CCDC61: variants seen among roughly 807,000 people sequenced by gnomAD.
CCDC61 encodes the protein centrosomal protein CCDC61.
A neutral mutation model predicts 63.0 loss-of-function variants in CCDC61; 55 were observed. That is an observed-to-expected ratio of 0.87 (90% CI 0.70 to 1.09). The LOEUF (loss-of-function observed/expected upper bound fraction) is 1.09. Among genes scored for constraint, CCDC61 ranks in the 50% least tolerant of loss-of-function variants. CCDC61 has a pLI of 0.00. For missense variants in CCDC61, 651 were observed against 731.4 expected (o/e 0.89, Z 1.27); for synonymous variants, 270 against 317.0 (o/e 0.85, Z 1.58).
chr19:45,996,185 A>G (rs1163734971), intron 1 of CCDC61: 1 of 152,652 alleles, frequency 6.6e-6, no homozygotes, highest in Admixed American at 6.5e-5. Context: ...ATCTCTGTCT[A>G]TACCATTGGC....
intron 5 of CCDC61, among the ~76,000 whole-genome samples, 165 bp from the exon 6 acceptor site, chr19:46,014,884 G>A (rs1201176861): frequency 2.6e-5 from 4 of 152,150 alleles, no homozygotes; most frequent in Non-Finnish European, 4.4e-5. Flanking sequence ...CTCACACGTC[G>A]CAGGGGATAT....
Position 46,015,194 on chromosome 19 carries a change from G to T in CCDC61, c.697G>T (p.Glu233Ter). The change falls in exon 6 of 14, where the codon GAG becomes TAG. Residue 233 changes from glutamate to a stop codon, truncating the protein, a stop_gained. Transcript: ENST00000595358. LOFTEE classifies it high-confidence loss of function. The surrounding 1 kb of genome is among the most constrained non-coding windows in gnomAD (Gnocchi z 5.3). Reference protein sequence around the residue: ...VRGLELELRQERGLGHRVAGR... With the variant: ...VRGLELELRQ ...CGGGCTGGAGCTGGAGCTGCGGCAG[G>T]AGCGCGGCCTCGGGCACAGGGTGGC... 1 of 1,280,442 alleles carries T rather than the reference G, an allele frequency of 7.8e-7. No homozygotes were observed. Among genetic ancestry groups the T allele is most frequent in the South Asian group, 2.6e-5 (1 of 38,360 alleles). The allele number at this position is 1,280,442 out of a possible 1,614,324, so 79.3% of individuals were successfully genotyped here. A position where few individuals can be genotyped will look rare whatever the true frequency, so the allele number is the denominator to read the frequency against.
At chr19:46,007,643 A>C (rs1277021545) in intron 4 of CCDC61, among the ~76,000 whole-genome samples, 1 of 152,144 alleles carries the variant, frequency 6.6e-6, no homozygotes, top group Non-Finnish European at 1.5e-5. Context: ...TTGTGTAGCT[A>C]GGTGACCGTG....
rs369923881 is a variant in CCDC61 at position 46,003,030 on chromosome 19, G to A, written c.12G>A (p.Pro4=). MDQ[P]AGLQVDYVFR... ...CAGCAACCTTGGCCATGGACCAGCC[G>A]GCTGGCCTGCAGGTGGACTACGTCT... Residue 4 remains proline, a synonymous_variant, in exon 2 of 14, where the codon CCG becomes CCA. Transcript: ENST00000595358. 56 of 1,566,838 alleles carry A rather than the reference G, an allele frequency of 3.6e-5. No individual in the cohort carries two copies. The highest frequency in any genetic ancestry group is 1.4e-4 in the African/African-American group (10 of 74,002).
chr19:46,011,666 C>T (rs1461434530), intron 5 of CCDC61, among the ~76,000 whole-genome samples: 3 of 152,156 alleles, frequency 2.0e-5, no homozygotes, highest in African/African-American at 7.2e-5. Context: ...ATGATTTCAG[C>T]TGTTGAGAGC....
chr19:45,999,511 A>G (rs1031897619), intron 1 of CCDC61, among the ~76,000 whole-genome samples: 62 of 151,738 alleles, frequency 4.1e-4, no homozygotes, highest in African/African-American at 1.5e-3. Flanking sequence ...GGAGCTGCAG[A>G]GTGTGGGGAA....
In CCDC61 at chr19:46,018,101, C is replaced by A. The variant is rs1363743410; in HGVS notation, c.1392C>A (p.Ser464Arg). The A allele has an allele frequency of 6.2e-7, 1 of 1,611,064 alleles. No homozygotes were observed. The stretch of plus-strand genomic sequence containing the variant: ...AGAAGTCTCCCCCCGTGGAACGCAG[C>A]CACCATCAGAAATCTCTGGCCAACT... ...SNMKSPPVER[S>R]HHQKSLANSG... The change falls in exon 13 of 14, where the codon AGC (serine) becomes AGA (arginine). Residue 464 changes from serine to arginine, a missense_variant. Ser to Arg is a moderately radical substitution (Grantham distance 110). Coordinates refer to ENST00000595358, the MANE Select transcript of CCDC61 (RefSeq NM_001267723.2). This position sits in a 1 kb window ranked among gnomAD's most constrained non-coding sequence, Gnocchi z 4.2.
chr19:46,017,306 T>A lies in CCDC61; in HGVS notation c.1368+2T>A, dbSNP rs1163096004. ...ACGCCCTGGAGTGGGTCCAATATGG[T>A]GAGTAGAAGGGGCAACATAAACCAC... On this transcript the variant is annotated splice_donor_variant, in intron 12 of 13. Transcript: ENST00000595358. LOFTEE classifies it high-confidence loss of function. 6.4e-7 allele frequency: 1 copy of A among 1,559,478 alleles called. No individual in the cohort carries two copies. Among genetic ancestry groups the A allele is most frequent in the South Asian group, 1.2e-5 (1 of 84,506 alleles).
chr19:46,010,862 A>G (rs543794827), intron 5 of CCDC61, among the ~76,000 whole-genome samples: 21 of 152,330 alleles, frequency 1.4e-4, no homozygotes, highest in Non-Finnish European at 2.1e-4. Context: ...ACATAAGGAT[A>G]TAAGTGCTGC....
intron 1 of CCDC61, among the ~76,000 whole-genome samples, chr19:45,999,532 G>A (rs1204118038): frequency 6.6e-6 from 1 of 152,142 alleles, no homozygotes; most frequent in African/African-American, 2.4e-5. Flanking sequence ...ACAGCCATCA[G>A]GTGTGGGCTG....
intron 1 of CCDC61, among the ~76,000 whole-genome samples, chr19:45,997,996 A>G (rs1036387037): frequency 1.3e-5 from 2 of 152,136 alleles, no homozygotes; most frequent in African/African-American, 2.4e-5. Flanking sequence ...CCTCACATCA[A>G]TTACTGTTGG....
At chr19:46,010,781 C>T (rs1372169702) in intron 5 of CCDC61, among the ~76,000 whole-genome samples, 3 of 152,208 alleles carry the variant, frequency 2.0e-5, no homozygotes, top group Non-Finnish European at 4.4e-5. Context: ...TGATGTACTG[C>T]CACCCCCTGC....
rs367852069 is a variant in CCDC61 at position 46,003,510 on chromosome 19, C to T, written c.231+9C>T. 3.6e-5 allele frequency: 29 copies of T among 816,338 alleles called. No homozygotes were observed. Among genetic ancestry groups the T allele is most frequent in the East Asian group, 3.5e-4 (7 of 20,220 alleles). 50.6% of individuals were successfully genotyped at this position (816,338 alleles called of 1,614,324 possible). A position where few individuals can be genotyped will look rare whatever the true frequency, so the allele number is the denominator to read the frequency against. On this transcript the variant is annotated intron_variant, in intron 3 of 13. Coordinates refer to ENST00000595358, the MANE Select transcript of CCDC61 (RefSeq NM_001267723.2). ...AGTCAGCCCTCACTCAGGTAGGGCC[C>T]GGGTTGGCGGGTTGGGGTGGGAGGG...
Position 46,003,460 on chromosome 19 carries a change from T to G in CCDC61, c.190T>G (p.Phe64Val). Residue 64 changes from phenylalanine to valine, a missense_variant, in exon 3 of 14, where the codon TTC (phenylalanine) becomes GTC (valine). Coordinates refer to ENST00000595358, the MANE Select transcript of CCDC61 (RefSeq NM_001267723.2). ...TCACAAGACAGGGAACTTCAAACAG[T>G]TCAACATCTTCTGTCATATGCTGGA... ...LTHKTGNFKQ[F>V]NIFCHMLESA... The G allele has an allele frequency of 1.2e-6, 2 of 1,613,596 alleles. No homozygotes were observed. The highest frequency in any genetic ancestry group is 1.7e-6 in the Non-Finnish European group (2 of 1,179,750).
intron 3 of CCDC61, among the ~76,000 whole-genome samples, chr19:46,003,711 A>T (rs1968638738): frequency 6.6e-6 from 1 of 152,116 alleles, no homozygotes; most frequent in South Asian, 2.1e-4. Flanking sequence ...GTCACAGAGA[A>T]ATATAAAGAA....
chr19:46,005,678 C>A (rs943417642), intron 3 of CCDC61, among the ~76,000 whole-genome samples: 5 of 151,886 alleles, frequency 3.3e-5, no homozygotes, highest in African/African-American at 9.7e-5. Flanking sequence ...TTGTTATTGG[C>A]AAGACATCCT....
At chr19:46,013,780 C>T (rs750572979) in intron 5 of CCDC61, among the ~76,000 whole-genome samples, 4 of 151,570 alleles carry the variant, frequency 2.6e-5, no homozygotes, top group East Asian at 3.9e-4. Context: ...GCAGGAGAAT[C>T]GCTTCAACCC....
intron 5 of CCDC61, among the ~76,000 whole-genome samples, chr19:46,011,510 G>C (rs1052279241): frequency 6.6e-6 from 1 of 152,174 alleles, no homozygotes; most frequent in Admixed American, 6.5e-5. Flanking sequence ...ATGAAAAATA[G>C]ATTTTGCTGA....
chr19:46,014,441 A>G (rs980152619), intron 5 of CCDC61, among the ~76,000 whole-genome samples: 4 of 152,246 alleles, frequency 2.6e-5, no homozygotes, highest in African/African-American at 9.6e-5. Context: ...GGACACAGAG[A>G]TACTCTACTT....
Sources: gnomAD v4.1 joint callset for allele counts (sites outside exome capture counted in the v4.1 genomes callset) on GRCh38, gnomAD v4.1.1 for gene constraint, Gnocchi (gnomAD v3.1) non-coding constraint, MANE v1.5 for transcripts, NCBI Gene and HGNC (gene_info 2026-07-23, HGNC 2026-07-21) for gene names.